VCL: variants seen among roughly 807,000 people sequenced by gnomAD.
VCL encodes the protein epididymis luminal protein 114.
VCL carries 47 observed loss-of-function variants against 125.7 expected under a neutral mutation model. The ratio of observed to expected loss-of-function variants is 0.37; its 90% CI spans 0.30 to 0.48. The LOEUF is 0.48. Among genes scored for constraint, VCL ranks in the 20% least tolerant of loss-of-function variants. The pLI is 0.99. For missense variants in VCL, 1,069 were observed against 1,455.5 expected, an observed-to-expected ratio of 0.73 and a Z score of 4.32; for synonymous variants, 458 against 514.6, an observed-to-expected ratio of 0.89 and a Z score of 1.49.
At chr10:74,111,481 T>G (rs771462752) in intron 18 of VCL, among the ~76,000 whole-genome samples, 34 of 152,230 alleles carry the variant, frequency 2.2e-4, no homozygotes, top group Non-Finnish European at 3.5e-4. Context: ...CAAAGTAACT[T>G]GTGTGGCTGC....
chr10:74,097,446 G>C lies in VCL; in HGVS notation c.1872+114G>C, dbSNP rs1322858484. ...AGTGGTTGGGAAACTGTAGATGAAG[G>C]GTGGAAGAGCAGAACAGGGAAAGCC... is the stretch of plus-strand genomic sequence containing the variant. On this transcript the variant is annotated intron_variant, in intron 13 of 21. Coordinates refer to ENST00000211998, the MANE Select transcript of VCL (RefSeq NM_014000.3). This position sits in a 1 kb window ranked among gnomAD's most constrained non-coding sequence, Gnocchi z 4.1. The C allele has an allele frequency of 3.3e-6, 5 of 1,503,050 alleles. No homozygotes were observed. In the Admixed American group the frequency reaches 8.5e-5, roughly 26 times the overall value. The allele number at this position is 1,503,050 out of a possible 1,614,324, so 93.1% of individuals were successfully genotyped here.
At chr10:74,033,855 G>A (rs1840926587) in intron 1 of VCL, among the ~76,000 whole-genome samples, 2 of 152,088 alleles carry the variant, frequency 1.3e-5, no homozygotes, top group Non-Finnish European at 2.9e-5. Context: ...TTGAGCCAGG[G>A]GCTGGGAGCC....
chr10:74,004,784 A>C (rs1028071286), intron 1 of VCL, among the ~76,000 whole-genome samples: 1 of 150,976 alleles, frequency 6.6e-6, no homozygotes, highest in African/African-American at 2.4e-5. Context: ...AGCTCACCGC[A>C]ACCTCCGCCT....
chr10:74,025,382 G>T (rs1840751169), intron 1 of VCL, among the ~76,000 whole-genome samples: 1 of 152,012 alleles, frequency 6.6e-6, no homozygotes, highest in Non-Finnish European at 1.5e-5. Context: ...GGGAGGCGGA[G>T]GTGGGAGGAT....
chr10:74,039,953 G>C (rs1841062660), intron 1 of VCL, among the ~76,000 whole-genome samples: 2 of 152,080 alleles, frequency 1.3e-5, no homozygotes, highest in African/African-American at 4.8e-5. Flanking sequence ...CCCTCCCTGA[G>C]GTTCAGCCAC....
At chr10:74,048,042 G>A (rs530869465) in intron 2 of VCL, among the ~76,000 whole-genome samples, 14 of 152,352 alleles carry the variant, frequency 9.2e-5, no homozygotes, top group African/African-American at 3.1e-4. Flanking sequence ...TAGCCACAGT[G>A]TTGCATAAGA....
Position 74,090,014 on chromosome 10 carries a change from T to C in VCL, c.1177-9T>C. 6.2e-7 allele frequency: 1 copy of C among 1,614,178 alleles called. No individual in the cohort carries two copies. The highest frequency in any genetic ancestry group is 1.3e-5 in the African/African-American group (1 of 75,044). On this transcript the variant is annotated splice_polypyrimidine_tract_variant and intron_variant, in intron 9 of 21. Transcript: ENST00000211998. ...TCACAGCGTGCTGCTTCTCCGTTTC[T>C]ATGTGTAGAACTGGCTTGCAGATCC...
rs754654170 is a variant in VCL, at chr10:73,998,203, C to T, written c.-5C>T. 9.3e-6 allele frequency: 15 copies of T among 1,611,706 alleles called. No homozygotes were observed. The South Asian group carries it at 1.7e-4, about 18-fold the overall frequency. The stretch of plus-strand genomic sequence containing the variant: ...CCGCGGTTCGCCGCCCCGCTCGCCG[C>T]CGCGATGCCAGTGTTTCATACGCGC... On this transcript the variant is annotated 5_prime_UTR_variant, in exon 1 of 22. Coordinates refer to ENST00000211998, the MANE Select transcript of VCL (RefSeq NM_014000.3).
At chr10:74,031,569 C>G (rs1021107562) in intron 1 of VCL, among the ~76,000 whole-genome samples, 2 of 152,096 alleles carry the variant, frequency 1.3e-5, no homozygotes, top group Admixed American at 6.6e-5. Context: ...AAGTGTTACA[C>G]CAAAAGCACA....
At chr10:74,012,619 A>G (rs967518305) in intron 1 of VCL, among the ~76,000 whole-genome samples, 3 of 152,138 alleles carry the variant, frequency 2.0e-5, no homozygotes, top group Admixed American at 2.0e-4. Flanking sequence ...TGACACACAC[A>G]CAGTAGGCCA....
intron 6 of VCL, among the ~76,000 whole-genome samples, chr10:74,079,358 G>C (rs1020937369): frequency 6.6e-6 from 1 of 152,102 alleles, no homozygotes; most frequent in African/African-American, 2.4e-5. Flanking sequence ...AAACAGATAA[G>C]AAATTGGTAG....
At chr10:74,066,837 A>G (rs1461733166) in intron 2 of VCL, among the ~76,000 whole-genome samples, 1 of 151,784 alleles carries the variant, frequency 6.6e-6, no homozygotes, top group African/African-American at 2.4e-5. Context: ...ATGCCCAGCT[A>G]ATTTTTGTAT....
Position 74,109,050 on chromosome 10 carries a change from A to G in VCL, c.2639A>G (p.Glu880Gly). Residue 880 changes from glutamate (E) to glycine (G), a missense_variant, in exon 18 of 22, where the codon GAA becomes GGA. Coordinates refer to ENST00000211998, the MANE Select transcript of VCL (RefSeq NM_014000.3). Reference protein sequence around the residue: ...VPPPRPPPPEEKDEEFPEQKA... With the variant: ...VPPPRPPPPEGKDEEFPEQKA... ...CCACCTAGGCCTCCACCACCAGAGGAAAAGGATGAAGAGTTCCCTGAGCAG... is the reference window on the plus strand; with the variant it reads ...CCACCTAGGCCTCCACCACCAGAGGGAAAGGATGAAGAGTTCCCTGAGCAG... 1.9e-6 allele frequency: 3 copies of G among 1,614,114 alleles called. No homozygotes were observed. The highest frequency in any genetic ancestry group is 2.5e-6 in the Non-Finnish European group (3 of 1,180,000).
intron 1 of VCL, among the ~76,000 whole-genome samples, chr10:74,012,488 A>G (rs1243728865): frequency 6.6e-6 from 1 of 152,190 alleles, no homozygotes; most frequent in Admixed American, 6.5e-5. Flanking sequence ...CACCAATATA[A>G]TTGTTGCAGA....
intron 1 of VCL, among the ~76,000 whole-genome samples, chr10:74,005,756 A>T (rs904743594): frequency 6.6e-6 from 1 of 152,212 alleles, no homozygotes. Context: ...ACCTATGCAC[A>T]TCCTCCTGTA....
At chr10:74,117,354 T>C (rs1013641971) in intron 21 of VCL, among the ~76,000 whole-genome samples, 2 of 152,110 alleles carry the variant, frequency 1.3e-5, no homozygotes, top group Non-Finnish European at 2.9e-5. Context: ...ATAGGTTCAA[T>C]GGAAAAAATA....
intron 2 of VCL, among the ~76,000 whole-genome samples, chr10:74,060,957 A>G (rs1841470845): frequency 6.6e-6 from 1 of 152,114 alleles, no homozygotes; most frequent in Non-Finnish European, 1.5e-5. Context: ...GGTCCATTTG[A>G]TATATAGCAT....
chr10:74,009,812 T>G (rs1031283239), intron 1 of VCL, among the ~76,000 whole-genome samples: 1 of 151,644 alleles, frequency 6.6e-6, no homozygotes, highest in African/African-American at 2.4e-5. Context: ...GTTTCACCTA[T>G]TGGCCAGGCT....
rs139371702 is a variant in VCL at position 74,090,133 on chromosome 10, T to A, written c.1287T>A (p.Asp429Glu). Residue 429 changes from aspartate to glutamate, a missense_variant, in exon 10 of 22, where the codon GAT becomes GAA. Physicochemically the swap from Asp to Glu is conservative, Grantham distance 45 (BLOSUM62 2). Transcript: ENST00000211998. ...TATGTGATGATCCTAAAGAAAGAGATGACATTCTACGTTCCCTTGGGGAAA... is the reference window on the plus strand; with the variant it reads ...TATGTGATGATCCTAAAGAAAGAGAAGACATTCTACGTTCCCTTGGGGAAA... ...AELCDDPKER[D>E]DILRSLGEIS... is the part of the protein sequence containing the mutation. 5.8e-5 allele frequency: 93 copies of A among 1,614,046 alleles called. No individual in the cohort carries two copies. The highest frequency in any genetic ancestry group is 7.4e-5 in the Non-Finnish European group (87 of 1,180,020).
Sources: allele counts gnomAD v4.1 joint callset (sites outside exome capture counted in the v4.1 genomes callset), GRCh38; gene constraint gnomAD v4.1.1; non-coding constraint Gnocchi (gnomAD v3.1); transcripts MANE v1.5; gene names NCBI Gene and HGNC (gene_info 2026-07-23, HGNC 2026-07-21).